UNC5D: variants seen among roughly 807,000 people sequenced by gnomAD.
UNC5D encodes the protein unc-5 netrin receptor D, also known as netrin receptor UNC5D.
UNC5D carries 39 observed loss-of-function variants against 105.4 expected under a neutral mutation model. That is an observed-to-expected ratio of 0.37 (90% CI 0.29 to 0.48). The LOEUF is 0.48. Among genes scored for constraint, UNC5D ranks in the 20% least tolerant of loss-of-function variants. UNC5D has a pLI of 0.98. For synonymous variants in UNC5D, 452 were observed against 450.4 expected, an observed-to-expected ratio of 1.00 and a Z score of -0.04; for missense variants, 991 against 1,202.4, an observed-to-expected ratio of 0.82 and a Z score of 2.60.
At chr8:35,251,801 A>G (rs1007546954) in intron 1 of UNC5D, among the ~76,000 whole-genome samples, 5 of 152,056 alleles carry the variant, frequency 3.3e-5, no homozygotes, top group African/African-American at 9.7e-5. Flanking sequence ...TGAAAGGACT[A>G]ATATTTTTGT....
intron 1 of UNC5D, among the ~76,000 whole-genome samples, chr8:35,539,508 C>T (rs550047629): frequency 2.0e-5 from 3 of 152,004 alleles, no homozygotes; most frequent in Admixed American, 6.6e-5. Context: ...ACAAAATGGG[C>T]GTGATGAAAA....
At chr8:35,644,705 A>G (rs1231948804) in intron 4 of UNC5D, among the ~76,000 whole-genome samples, 1 of 152,182 alleles carries the variant, frequency 6.6e-6, no homozygotes, top group Non-Finnish European at 1.5e-5. Context: ...ACCTTGGATT[A>G]TATTTTAAAA....
At chr8:35,673,941 A>C (rs546663306) in intron 4 of UNC5D, among the ~76,000 whole-genome samples, 1 of 152,342 alleles carries the variant, frequency 6.6e-6, no homozygotes, top group African/African-American at 2.4e-5. Flanking sequence ...AAGCAAAATG[A>C]GACCCCAGAT....
chr8:35,792,864 A>G lies in UNC5D; in HGVS notation c.*2301A>G. 2.8e-6 allele frequency: 1 copy of G among 357,580 alleles called. No individual in the cohort carries two copies. Among genetic ancestry groups the G allele is most frequent in the South Asian group, 2.3e-5 (1 of 44,386 alleles). 22.2% of individuals were successfully genotyped at this position (357,580 alleles called of 1,614,324 possible). A position where few individuals can be genotyped will look rare whatever the true frequency, so the allele number is the denominator to read the frequency against. ...TTTGATACATTTTAAGTATTTTTAA[A>G]TAGATGAAAATTCTAAATGATTTTC... On this transcript the variant is annotated 3_prime_UTR_variant, in exon 17 of 17. Transcript: ENST00000404895.
At chr8:35,443,640 T>G (rs796331805) in intron 1 of UNC5D, among the ~76,000 whole-genome samples, 12 of 152,106 alleles carry the variant, frequency 7.9e-5, no homozygotes, top group African/African-American at 2.9e-4. Flanking sequence ...GATCGTTGCC[T>G]GCCAATGGTA....
chr8:35,602,825 A>T (rs1819988153), intron 4 of UNC5D, among the ~76,000 whole-genome samples: 1 of 150,280 alleles, frequency 6.7e-6, no homozygotes, highest in South Asian at 2.1e-4. Context: ...GCACCCACTA[A>T]CTCATCATCT....
chr8:35,579,334 G>A (rs575262079), intron 3 of UNC5D, among the ~76,000 whole-genome samples: 1 of 152,214 alleles, frequency 6.6e-6, no homozygotes, highest in African/African-American at 2.4e-5. Context: ...AGGCATCCAT[G>A]GGTAATTATC....
intron 2 of UNC5D, among the ~76,000 whole-genome samples, chr8:35,562,605 T>G (rs2130759787): frequency 6.6e-6 from 1 of 152,260 alleles, no homozygotes; most frequent in South Asian, 2.1e-4. Flanking sequence ...TATATATTTT[T>G]GGCCTTTTGA....
Position 35,683,739 on chromosome 8 carries a change from C to G in UNC5D, c.751+12C>G. 1 of 1,488,184 alleles carries G rather than the reference C, an allele frequency of 6.7e-7. No homozygotes were observed. Among genetic ancestry groups the G allele is most frequent in the Non-Finnish European group, 8.9e-7 (1 of 1,124,516 alleles). 92.2% of individuals were successfully genotyped at this position (1,488,184 alleles called of 1,614,324 possible). A position where few individuals can be genotyped will look rare whatever the true frequency, so the allele number is the denominator to read the frequency against. ...TGTTGTGGTCTACGGTAAGACCATTCCAAAGGCCAGGAATGGATAGGGAGG... is the reference window on the plus strand; with the variant it reads ...TGTTGTGGTCTACGGTAAGACCATTGCAAAGGCCAGGAATGGATAGGGAGG... On this transcript the variant is annotated intron_variant, in intron 5 of 16. Coordinates refer to ENST00000404895, the MANE Select transcript of UNC5D (RefSeq NM_080872.4).
At chr8:35,569,414 T>C (rs892947212) in intron 3 of UNC5D, among the ~76,000 whole-genome samples, 2 of 152,152 alleles carry the variant, frequency 1.3e-5, no homozygotes, top group Admixed American at 6.5e-5. Context: ...ATGTTGATGG[T>C]TTAGAGATTA....
At position 35,548,227 on chromosome 8, in the gene UNC5D, AC is replaced by A. The variant is rs1397532522; in HGVS notation, c.104-1063del. Among the ~76,000 whole-genome samples the A allele has an allele frequency of 3.9e-5, 6 of 152,246 alleles. No individual in the cohort carries two copies. The East Asian group carries it at 1.2e-3, about 29-fold the overall frequency. Reference sequence around the variant, plus strand: ...CCAATCAAGTTGACACTCCATATTAACCATCACAGTGAGATTGTTCTTCCAG... The same window carrying A: ...CCAATCAAGTTGACACTCCATATTAACATCACAGTGAGATTGTTCTTCCAG... On this transcript the variant is annotated intron_variant, in intron 1 of 16. Coordinates refer to ENST00000404895, the MANE Select transcript of UNC5D (RefSeq NM_080872.4).
At chr8:35,637,456 T>C (rs1822451238) in intron 4 of UNC5D, among the ~76,000 whole-genome samples, 1 of 152,186 alleles carries the variant, frequency 6.6e-6, no homozygotes, top group South Asian at 2.1e-4. Context: ...TTTATCTTTA[T>C]AATACACCTG....
chr8:35,356,864 T>A (rs1801586791), intron 1 of UNC5D, among the ~76,000 whole-genome samples: 1 of 152,144 alleles, frequency 6.6e-6, no homozygotes, highest in Admixed American at 6.5e-5. Flanking sequence ...ATCAACAGCA[T>A]AGATCCACTG....
chr8:35,311,931 A>T (rs968371189), intron 1 of UNC5D, among the ~76,000 whole-genome samples: 6 of 152,222 alleles, frequency 3.9e-5, no homozygotes, highest in African/African-American at 1.4e-4. Flanking sequence ...GGCATAATAT[A>T]TTTCCATCTG....
intron 1 of UNC5D, among the ~76,000 whole-genome samples, chr8:35,398,708 G>C (rs1159791433): frequency 6.6e-6 from 1 of 152,098 alleles, no homozygotes; most frequent in Non-Finnish European, 1.5e-5. Context: ...GTGGTGGACT[G>C]TTTAGTGGTG....
intron 16 of UNC5D, among the ~76,000 whole-genome samples, chr8:35,780,928 G>C (rs753523804): frequency 3.9e-5 from 6 of 152,146 alleles, no homozygotes; most frequent in South Asian, 2.1e-4. Flanking sequence ...TAATTTATGA[G>C]AGAATATTTT....
chr8:35,240,281 G>A (rs994854423), intron 1 of UNC5D, among the ~76,000 whole-genome samples: 3 of 152,004 alleles, frequency 2.0e-5, no homozygotes, highest in Non-Finnish European at 4.4e-5. Flanking sequence ...GGCTACTGCC[G>A]GCATAAGACC....
rs560535919 is a variant in UNC5D at position 35,682,083 on chromosome 8, G to A, written c.571-1464G>A. ...TGGTTCAAGCGATTCTCCTGCCTCA[G>A]CCTCCTGAGTATCTGGGATTACAGG... On this transcript the variant is annotated intron_variant, in intron 4 of 16. Coordinates refer to ENST00000404895, the MANE Select transcript of UNC5D (RefSeq NM_080872.4). Among the ~76,000 whole-genome samples the A allele has an allele frequency of 3.9e-5, 6 of 152,178 alleles. No individual in the cohort carries two copies. In the South Asian group the frequency reaches 1.2e-3, roughly 32 times the overall value.
chr8:35,488,923 T>C (rs923679737), intron 1 of UNC5D, among the ~76,000 whole-genome samples: 1 of 151,980 alleles, frequency 6.6e-6, no homozygotes, highest in East Asian at 1.9e-4. Flanking sequence ...AAGTTGGAGA[T>C]GAATGGATTT....
Sources: allele counts gnomAD v4.1 joint callset (sites outside exome capture counted in the v4.1 genomes callset), GRCh38; gene constraint gnomAD v4.1.1; transcripts MANE v1.5; gene names NCBI Gene and HGNC (gene_info 2026-07-23, HGNC 2026-07-21).